Variants in ACAP2 observed in about 807,000 individuals in gnomAD.
The protein encoded by ACAP2 is ArfGAP with coiled-coil, ankyrin repeat and PH domains 2, also known as arf-GAP with coiled-coil, ANK repeat and PH domain-containing protein 2.
A neutral mutation model predicts 115.8 loss-of-function variants in ACAP2; 39 were observed. That is an observed-to-expected ratio of 0.34 (90% CI 0.26 to 0.44). The LOEUF (loss-of-function observed/expected upper bound fraction) is 0.44. ACAP2 is among the 20% of genes least tolerant of loss of function. The probability of loss-of-function intolerance (pLI) is 1.00; values close to 1 mark genes in which losing one functional copy is unlikely to be tolerated. For missense variants in ACAP2, 662 were observed against 927.6 expected (o/e 0.71, Z 3.72); for synonymous variants, 289 against 315.8 (o/e 0.92, Z 0.90).
intron 1 of ACAP2, among the ~76,000 whole-genome samples, chr3:195,413,103 T>G (rs1468939390): frequency 6.6e-6 from 1 of 152,228 alleles, no homozygotes; most frequent in Non-Finnish European, 1.5e-5. Flanking sequence ...ATTCCACAGT[T>G]AAATTTAGAC....
chr3:195,403,639 T>C (rs1712500456), intron 1 of ACAP2, among the ~76,000 whole-genome samples: 1 of 152,210 alleles, frequency 6.6e-6, no homozygotes, highest in East Asian at 1.9e-4. Context: ...GTACACCAGG[T>C]ACAGGTAAAT....
intron 13 of ACAP2, among the ~76,000 whole-genome samples, chr3:195,303,788 G>A (rs1728228440): frequency 1.3e-5 from 2 of 152,064 alleles, no homozygotes; most frequent in African/African-American, 4.8e-5. Context: ...CTGCTACATG[G>A]CCATAATGAC....
rs186582307 is a variant in ACAP2, at chr3:195,303,099, C to G, written c.1117-925G>C. Among the ~76,000 whole-genome samples the G allele has an allele frequency of 5.6e-3, 860 of 152,280 alleles. 6 individuals are homozygous for G. Among genetic ancestry groups the G allele is most frequent in the African/African-American group, 0.02 (817 of 41,554 alleles). ...GGCGTGGTGGCGCACACCTGTGATC[C>G]CAGCTACTCAGGAGGCTGAGACATG... On this transcript the variant is annotated intron_variant, in intron 13 of 22. Transcript: ENST00000326793.
chr3:195,350,328 T>C (rs12636736), intron 4 of ACAP2, among the ~76,000 whole-genome samples: 44,763 of 152,024 alleles, frequency 0.29, 7,428 homozygotes, highest in East Asian at 0.72. Flanking sequence ...AGACTTACTA[T>C]GAAAGCTACA....
intron 4 of ACAP2, among the ~76,000 whole-genome samples, chr3:195,366,804 C>T (rs1732753903): frequency 6.6e-6 from 1 of 152,168 alleles, no homozygotes; most frequent in South Asian, 2.1e-4. Context: ...AAAAGGACCA[C>T]TCTTCAGTGT....
intron 4 of ACAP2, among the ~76,000 whole-genome samples, chr3:195,347,088 C>T (rs1337570350): frequency 6.7e-6 from 1 of 150,368 alleles, no homozygotes; most frequent in African/African-American, 2.4e-5. Flanking sequence ...AAGTTATATG[C>T]CACAAAAAAA....
At chr3:195,350,514 T>C (rs79122309) in intron 4 of ACAP2, among the ~76,000 whole-genome samples, 3,478 of 151,710 alleles carry the variant, frequency 0.023, 133 homozygotes, top group African/African-American at 0.079. Context: ...GCCAGGGGTG[T>C]AGCATGTGCC....
chr3:195,386,673 A>G (rs1734326087), intron 2 of ACAP2, among the ~76,000 whole-genome samples: 1 of 152,172 alleles, frequency 6.6e-6, no homozygotes, highest in African/African-American at 2.4e-5. Flanking sequence ...GAGCATTAGG[A>G]CAAATGCATG....
intron 6 of ACAP2, 98 bp downstream of exon 6, chr3:195,342,373 G>T: frequency 8.2e-7 from 1 of 1,212,472 alleles, no homozygotes. Flanking sequence ...TTTAAGTTCA[G>T]AGTAAAAGTA....
At chr3:195,386,246 A>G (rs772587716) in intron 2 of ACAP2, among the ~76,000 whole-genome samples, 16 of 152,160 alleles carry the variant, frequency 1.1e-4, no homozygotes, top group Non-Finnish European at 2.1e-4. Flanking sequence ...GAGAATTGGG[A>G]GTGACTGCTA....
intron 22 of ACAP2, 106 bp downstream of exon 22, chr3:195,285,690 C>T: frequency 1.1e-6 from 1 of 907,670 alleles, no homozygotes; most frequent in Non-Finnish European, 1.7e-6. Context: ...TCTATAGTAT[C>T]ACATTAGTTT....
At chr3:195,286,738 G>T (rs886389289) in intron 21 of ACAP2, among the ~76,000 whole-genome samples, 1 of 152,324 alleles carries the variant, frequency 6.6e-6, no homozygotes, top group East Asian at 1.9e-4. Flanking sequence ...CACAGAGGAT[G>T]CTTACAAAAA....
chr3:195,326,785 A>G, intron 9 of ACAP2, 100 bp downstream of exon 9: 1 of 997,654 alleles, frequency 1.0e-6, no homozygotes, highest in Non-Finnish European at 1.5e-6. Context: ...TTATTAGAAC[A>G]ACTCAAAAGA....
intron 4 of ACAP2, among the ~76,000 whole-genome samples, chr3:195,355,281 C>CT (rs11345721): frequency 0.047 from 5,970 of 126,800 alleles, 243 homozygotes; most frequent in East Asian, 0.1. Flanking sequence ...TCTTTTTCTT[C>CT]TTTTTTTTTT....
chr3:195,423,388 C>T (rs1372391789), intron 1 of ACAP2, among the ~76,000 whole-genome samples: 2 of 152,008 alleles, frequency 1.3e-5, no homozygotes, highest in South Asian at 2.1e-4. Flanking sequence ...TTTGGGAGGC[C>T]GAGGCAGGCG....
At chr3:195,336,334 T>C (rs1202903382) in intron 7 of ACAP2, 1 of 151,794 alleles carries the variant, frequency 6.6e-6, no homozygotes, top group African/African-American at 2.4e-5. Context: ...TGTAACTGCA[T>C]ACGGAAGAAC....
Position 195,320,733 on chromosome 3 carries a change from T to C in ACAP2, c.825A>G (p.Lys275=). 1.9e-6 allele frequency: 3 copies of C among 1,613,582 alleles called. 1 individual carries two copies. In the South Asian group the frequency reaches 3.3e-5, roughly 18 times the overall value. Residue 275 remains lysine, a synonymous_variant, in exon 10 of 23, where the codon AAA becomes AAG. Transcript: ENST00000326793. ...NGIVMEGYLF[K]RASNAFKTWN... is the part of the protein sequence containing the mutation. ...AAGTTTTGAAGGCATTGCTGGCTCGTTTGAACAGATATCCTTCCATAACTA... is the reference window on the plus strand; with the variant it reads ...AAGTTTTGAAGGCATTGCTGGCTCGCTTGAACAGATATCCTTCCATAACTA...
At chr3:195,362,270 T>G (rs1341974042) in intron 4 of ACAP2, among the ~76,000 whole-genome samples, 1 of 149,274 alleles carries the variant, frequency 6.7e-6, no homozygotes, top group East Asian at 2.0e-4. Flanking sequence ...GAGCCGAGAT[T>G]GCGCCACTGC....
At chr3:195,311,608 C>T (rs1728774254) in intron 10 of ACAP2, among the ~76,000 whole-genome samples, 1 of 152,192 alleles carries the variant, frequency 6.6e-6, no homozygotes, top group Non-Finnish European at 1.5e-5. Context: ...ACGATCTCGG[C>T]TCACTGCAAC....
Sources: allele counts gnomAD v4.1 joint callset (sites outside exome capture counted in the v4.1 genomes callset), GRCh38; gene constraint gnomAD v4.1.1; transcripts MANE v1.5; gene names NCBI Gene and HGNC (gene_info 2026-07-23, HGNC 2026-07-21).